Variants in CDK5 observed in about 807,000 individuals in gnomAD.
The protein encoded by CDK5 is cyclin dependent kinase 5.
In CDK5, 18 loss-of-function variants were observed where a neutral mutation model predicts 44.6. That is an observed-to-expected ratio of 0.40 (90% CI 0.28 to 0.60). The LOEUF (loss-of-function observed/expected upper bound fraction) is 0.60. Among genes scored for constraint, CDK5 ranks in the 20% least tolerant of loss-of-function variants. CDK5 has a pLI of 0.38. For missense variants in CDK5, 198 were observed against 368.1 expected (o/e 0.54, Z 3.78); for synonymous variants, 143 against 152.8 (o/e 0.94, Z 0.47).
At position 151,056,233 on chromosome 7, in the gene CDK5, T is replaced by C. The variant is rs1796891413; in HGVS notation, c.312+347A>G. ...ATTCAGGACTGGCTCCCCTGGAACCTGGACCAAGGCATTTGGTCTTGGGCC... is the reference window on the plus strand; with the variant it reads ...ATTCAGGACTGGCTCCCCTGGAACCCGGACCAAGGCATTTGGTCTTGGGCC... On this transcript the variant is annotated intron_variant, in intron 5 of 11. Coordinates refer to ENST00000485972, the MANE Select transcript of CDK5 (RefSeq NM_004935.4). The surrounding 1 kb of genome is among the most constrained non-coding windows in gnomAD (Gnocchi z 4.7). The C allele has an allele frequency of 3.8e-6, 2 of 521,694 alleles. No homozygotes were observed. The highest frequency in any genetic ancestry group is 3.4e-6 in the Non-Finnish European group (1 of 291,898). 32.3% of individuals were successfully genotyped at this position (521,694 alleles called of 1,614,324 possible). A position where few individuals can be genotyped will look rare whatever the true frequency, so the allele number is the denominator to read the frequency against.
rs750673037 is a variant in CDK5, at chr7:151,054,511, T to A, written c.651-46A>T. On this transcript the variant is annotated intron_variant, in intron 9 of 11. Coordinates refer to ENST00000485972, the MANE Select transcript of CDK5 (RefSeq NM_004935.4). This position sits in a 1 kb window ranked among gnomAD's most constrained non-coding sequence, Gnocchi z 5.7. ...CACTTGGGAAAGGGCCACAGCTGCA[T>A]CTTCAGGGGCAGGGTGAGGGCCTCT... The A allele has an allele frequency of 5.8e-5, 90 of 1,558,106 alleles. No homozygotes were observed. Among genetic ancestry groups the A allele is most frequent in the Admixed American group, 4.0e-4 (23 of 57,682 alleles).
intron 6 of CDK5, 24 bp downstream of exon 6, chr7:151,055,728 TC>T: frequency 1.3e-6 from 2 of 1,581,284 alleles, no homozygotes; most frequent in South Asian, 1.1e-5. Context: ...GCCTCTCCAT[TC>T]CCCACCTTCT....
rs1223670219 is a variant in CDK5, at chr7:151,054,161, T to C, written c.792+51A>G. ...CACTGCCCAGAGCCCTGCCTTCCTG[T>C]AGTCCCACTGGGCAAGTGTCCTGAC... On this transcript the variant is annotated intron_variant, in intron 11 of 11. Transcript: ENST00000485972. The surrounding 1 kb of genome is among the most constrained non-coding windows in gnomAD (Gnocchi z 5.7). 6.3e-7 allele frequency: 1 copy of C among 1,592,242 alleles called. No individual in the cohort carries two copies. The highest frequency in any genetic ancestry group is 8.6e-7 in the Non-Finnish European group (1 of 1,168,156).
chr7:151,054,906 A>G lies in CDK5; in HGVS notation c.650+121T>C, dbSNP rs1329654536. 1.2e-5 allele frequency: 11 copies of G among 936,576 alleles called. No homozygotes were observed. Among genetic ancestry groups the G allele is most frequent in the Non-Finnish European group, 1.7e-5 (10 of 591,522 alleles). The allele number at this position is 936,576 out of a possible 1,614,324, so 58.0% of individuals were successfully genotyped here. On this transcript the variant is annotated intron_variant, in intron 9 of 11. Transcript: ENST00000485972. The surrounding 1 kb of genome is among the most constrained non-coding windows in gnomAD (Gnocchi z 5.7). ...ACCCCTGCTCTCTCCCCTTGCCCTC[A>G]GGAGAAGCCCTACAGACCCCATCAC...
Position 151,055,811 on chromosome 7 carries a change from C to G in CDK5, c.350G>C (p.Cys117Ser). The G allele has an allele frequency of 1.2e-6, 2 of 1,612,074 alleles. No individual in the cohort carries two copies. Among genetic ancestry groups the G allele is most frequent in the Non-Finnish European group, 1.7e-6 (2 of 1,179,012 alleles). Residue 117 changes from cysteine (C) to serine (S), a missense_variant, in exon 6 of 12, where the codon TGT becomes TCT. Coordinates refer to ENST00000485972, the MANE Select transcript of CDK5 (RefSeq NM_004935.4). ...LFQLLKGLGF[C>S]HSRNVLHRDL... ...CCTGTGTAGCACATTGCGGCTATGACAGAATCCCAGCCCTTTTAGTAGCTG... is the reference window on the plus strand; with the variant it reads ...CCTGTGTAGCACATTGCGGCTATGAGAGAATCCCAGCCCTTTTAGTAGCTG...
intron 6 of CDK5, 26 bp from the exon 7 acceptor site, chr7:151,055,632 G>A (rs778704035): frequency 6.2e-7 from 1 of 1,607,950 alleles, no homozygotes; most frequent in Non-Finnish European, 8.5e-7. Flanking sequence ...AGGGGACATG[G>A]AGAAGGGCCT....
chr7:151,055,396 G>A lies in CDK5; in HGVS notation c.484-23C>T, dbSNP rs1280967464. ...CACCTGGAGGAGACCCCCCCCGAAA[G>A]GGACCTCCCACTTAGAGGACTGGGG... On this transcript the variant is annotated intron_variant, in intron 7 of 11. Coordinates refer to ENST00000485972, the MANE Select transcript of CDK5 (RefSeq NM_004935.4). 3 of 1,595,276 alleles carry A rather than the reference G, an allele frequency of 1.9e-6. No individual in the cohort carries two copies. In the Admixed American group the frequency reaches 5.0e-5, roughly 27 times the overall value.
Position 151,055,846 on chromosome 7 carries a change from T to C in CDK5, c.315A>G (p.Ser105=), listed in dbSNP as rs1359836410. The change falls in exon 6 of 12, where the codon TCA becomes TCG. Residue 105 remains serine (S), a splice_region_variant and synonymous_variant. Transcript: ENST00000485972. ...NGDLDPEIVK[S]FLFQLLKGLG... The stretch of plus-strand genomic sequence containing the variant: ...GCCCTTTTAGTAGCTGGAAGAGGAA[T>C]GACTGGGAGGAGAGAGGGAGAAGGG... 1 of 1,603,694 alleles carries C rather than the reference T, an allele frequency of 6.2e-7. No homozygotes were observed. The highest frequency in any genetic ancestry group is 1.7e-5 in the Admixed American group (1 of 58,750).
In CDK5 at chr7:151,054,943, C is replaced by T. The variant is rs1317931102; in HGVS notation, c.650+84G>A. ...ACAGACCCCATCACCCTACCCCACA[C>T]CATCACTGCCCTCACCCATTGTGCT... On this transcript the variant is annotated intron_variant, in intron 9 of 11. Transcript: ENST00000485972. This position sits in a 1 kb window ranked among gnomAD's most constrained non-coding sequence, Gnocchi z 5.7. 5.1e-6 allele frequency: 7 copies of T among 1,366,298 alleles called. No homozygotes were observed. The highest frequency in any genetic ancestry group is 7.3e-6 in the Non-Finnish European group (7 of 962,982). The allele number at this position is 1,366,298 out of a possible 1,614,324, so 84.6% of individuals were successfully genotyped here.
At position 151,054,942 on chromosome 7, in the gene CDK5, A is replaced by G. The variant is rs1563326861; in HGVS notation, c.650+85T>C. ...TACAGACCCCATCACCCTACCCCACACCATCACTGCCCTCACCCATTGTGC... is the reference window on the plus strand; with the variant it reads ...TACAGACCCCATCACCCTACCCCACGCCATCACTGCCCTCACCCATTGTGC... On this transcript the variant is annotated intron_variant, in intron 9 of 11. Coordinates refer to ENST00000485972, the MANE Select transcript of CDK5 (RefSeq NM_004935.4). This position sits in a 1 kb window ranked among gnomAD's most constrained non-coding sequence, Gnocchi z 5.7. 1 of 1,357,392 alleles carries G rather than the reference A, an allele frequency of 7.4e-7. No individual in the cohort carries two copies. 84.1% of individuals were successfully genotyped at this position (1,357,392 alleles called of 1,614,324 possible). A position where few individuals can be genotyped will look rare whatever the true frequency, so the allele number is the denominator to read the frequency against.
Position 151,054,248 on chromosome 7 carries a change from C to A in CDK5, c.756G>T (p.Val252=), listed in dbSNP as rs1195324342. The change falls in exon 11 of 12, where the codon GTG becomes GTT. Residue 252 remains valine (V), a synonymous_variant. Coordinates refer to ENST00000485972, the MANE Select transcript of CDK5 (RefSeq NM_004935.4). This position sits in a 1 kb window ranked among gnomAD's most constrained non-coding sequence, Gnocchi z 5.7. ...YPATTSLVNV[V]PKLNATGRDL... ...CCCTCCCTGTGGCATTGAGTTTGGG[C>A]ACGACGTTCACCAGGGATGTTGTGG... is the stretch of plus-strand genomic sequence containing the variant. 3 of 1,613,506 alleles carry A rather than the reference C, an allele frequency of 1.9e-6. No individual in the cohort carries two copies. The highest frequency in any genetic ancestry group is 2.5e-6 in the Non-Finnish European group (3 of 1,179,704).
chr7:151,054,494 A>C lies in CDK5; in HGVS notation c.651-29T>G. 5 of 1,598,202 alleles carry C rather than the reference A, an allele frequency of 3.1e-6. No individual in the cohort carries two copies. The highest frequency in any genetic ancestry group is 3.4e-6 in the Non-Finnish European group (4 of 1,169,810). Reference sequence around the variant, plus strand: ...TCCACGGAGTCAAGGATCACTTGGGAAAGGGCCACAGCTGCATCTTCAGGG... The same window carrying C: ...TCCACGGAGTCAAGGATCACTTGGGCAAGGGCCACAGCTGCATCTTCAGGG... On this transcript the variant is annotated intron_variant, in intron 9 of 11. Transcript: ENST00000485972. This position sits in a 1 kb window ranked among gnomAD's most constrained non-coding sequence, Gnocchi z 5.7.
At position 151,056,167 on chromosome 7, in the gene CDK5, G is replaced by A; in HGVS notation, c.313-319C>T. The A allele has an allele frequency of 3.9e-6, 2 of 514,884 alleles. No individual in the cohort carries two copies. The highest frequency in any genetic ancestry group is 7.0e-6 in the Non-Finnish European group (2 of 287,236). 31.9% of individuals were successfully genotyped at this position (514,884 alleles called of 1,614,324 possible). A position where few individuals can be genotyped will look rare whatever the true frequency, so the allele number is the denominator to read the frequency against. ...TCCCTTCCTGGCCGCATCTGAGTAT[G>A]CACGCCGTGAACATCAACATAAATA... is the stretch of plus-strand genomic sequence containing the variant. On this transcript the variant is annotated intron_variant, in intron 5 of 11. Transcript: ENST00000485972. The surrounding 1 kb of genome is among the most constrained non-coding windows in gnomAD (Gnocchi z 4.7).
rs762292489 is a variant in CDK5, at chr7:151,054,446, C to T, written c.670G>A (p.Glu224Lys). ...TTGGTCATAGAGGGCCACTGCTCCT[C>T]GGTGGGCGTCCCCAGCAGTGTGTCC... ...RIFRLLGTPTEEQWPSMTKLP... is the reference protein window; with the variant it reads ...RIFRLLGTPTKEQWPSMTKLP... The change falls in exon 10 of 12, where the codon GAG becomes AAG. Residue 224 changes from glutamate (E) to lysine (K), a missense_variant. This residue lies in a region of CDK5 where 81 missense variants were observed against 102.1 expected (regional missense o/e 0.79). Transcript: ENST00000485972. The surrounding 1 kb of genome is among the most constrained non-coding windows in gnomAD (Gnocchi z 5.7). The T allele has an allele frequency of 3.7e-6, 6 of 1,613,176 alleles. No homozygotes were observed. Among genetic ancestry groups the T allele is most frequent in the East Asian group, 2.2e-5 (1 of 44,844 alleles).
In CDK5 at chr7:151,057,867, C is replaced by A. The variant is rs568654766; in HGVS notation, c.-19G>T. On this transcript the variant is annotated 5_prime_UTR_variant, in exon 1 of 12. Transcript: ENST00000485972. The surrounding 1 kb of genome is among the most constrained non-coding windows in gnomAD (Gnocchi z 5.2). Reference sequence around the variant, plus strand: ...TCTGCATCGCGGCGGCCGCGGGGACCCCTGCGGGCCCTCGGTTTTAAGACT... The same window carrying A: ...TCTGCATCGCGGCGGCCGCGGGGACACCTGCGGGCCCTCGGTTTTAAGACT... 1.9e-6 allele frequency: 3 copies of A among 1,604,758 alleles called. No individual in the cohort carries two copies. The highest frequency in any genetic ancestry group is 2.6e-6 in the Non-Finnish European group (3 of 1,175,916).
chr7:151,055,127 CAT>C (rs1209815797), intron 8 of CDK5, 31 bp from the exon 9 acceptor site: 1 of 1,600,454 alleles, frequency 6.2e-7, no homozygotes, highest in Non-Finnish European at 8.5e-7. Context: ...TAAGATGTGA[CAT>C]GTGAAGGACC....
chr7:151,057,849 C>G lies in CDK5; in HGVS notation c.-1G>C. 1.2e-6 allele frequency: 2 copies of G among 1,610,010 alleles called. No individual in the cohort carries two copies. Among genetic ancestry groups the G allele is most frequent in the Non-Finnish European group, 1.7e-6 (2 of 1,178,284 alleles). Reference sequence around the variant, plus strand: ...TTTCCAGTTTCTCGTATTTCTGCATCGCGGCGGCCGCGGGGACCCCTGCGG... The same window carrying G: ...TTTCCAGTTTCTCGTATTTCTGCATGGCGGCGGCCGCGGGGACCCCTGCGG... On this transcript the variant is annotated 5_prime_UTR_variant, in exon 1 of 12. Coordinates refer to ENST00000485972, the MANE Select transcript of CDK5 (RefSeq NM_004935.4). This position sits in a 1 kb window ranked among gnomAD's most constrained non-coding sequence, Gnocchi z 5.2.
At position 151,054,433 on chromosome 7, in the gene CDK5, G is replaced by A. The variant is rs374928837; in HGVS notation, c.683C>T (p.Pro228Leu). Residue 228 changes from proline (P) to leucine (L), a missense_variant, in exon 10 of 12, where the codon CCC becomes CTC. Pro to Leu is a moderately conservative substitution (Grantham distance 98, BLOSUM62 -3). Transcript: ENST00000485972. The surrounding 1 kb of genome is among the most constrained non-coding windows in gnomAD (Gnocchi z 5.7). ...LLGTPTEEQW[P>L]SMTKLPDYKP... ...ATAGTCTGGCAGCTTGGTCATAGAG[G>A]GCCACTGCTCCTCGGTGGGCGTCCC... 32 of 1,613,358 alleles carry A rather than the reference G, an allele frequency of 2.0e-5. No homozygotes were observed. The highest frequency in any genetic ancestry group is 8.3e-5 in the Admixed American group (5 of 59,980).
chr7:151,055,908 C>A, intron 5 of CDK5, 60 bp from the exon 6 acceptor site: 1 of 1,164,634 alleles, frequency 8.6e-7, no homozygotes, highest in Non-Finnish European at 1.3e-6. Flanking sequence ...TGCCCAGCAA[C>A]GGGTCGGCTC....
Sources: gnomAD v4.1 joint callset for allele counts on GRCh38, gnomAD v4.1.1 for gene constraint, gnomAD v4.1.1 regional missense constraint, Gnocchi (gnomAD v3.1) non-coding constraint, MANE v1.5 for transcripts, NCBI Gene and HGNC (gene_info 2026-07-23, HGNC 2026-07-21) for gene names.